Variants in PUDP observed in about 807,000 individuals in gnomAD.
PUDP encodes pseudouridine-5'-phosphatase.
In PUDP, 8 loss-of-function variants were observed where a neutral mutation model predicts 9.4. The observed-to-expected ratio is 0.85, with a 90% CI of 0.50 to 1.53. The LOEUF (loss-of-function observed/expected upper bound fraction) is 1.53, where lower values mean the gene tolerates loss of function less well. PUDP is among the 40% of genes most tolerant of loss of function. The pLI, the probability that PUDP is intolerant of heterozygous loss-of-function variation, is 0.00. For missense variants in PUDP, 188 were observed against 189.7 expected (o/e 0.99, Z 0.05); for synonymous variants, 99 against 80.7 (o/e 1.23, Z -1.22).
intron 1 of PUDP, among the ~76,000 whole-genome samples, chrX:6,981,851 T>C (rs1929037086): frequency 9.0e-6 from 1 of 110,851 alleles, no homozygotes; most frequent in South Asian, 3.8e-4. Context: ...ATATTCATTT[T>C]ACAAGAGTTT....
intron 3 of PUDP, among the ~76,000 whole-genome samples, chrX:6,903,386 G>GCACTAT (rs1927719195): frequency 9.0e-6 from 1 of 111,060 alleles, no homozygotes; most frequent in Non-Finnish European, 1.9e-5. Flanking sequence ...AGTCACAAAA[G>GCACTAT]GTCTATTTAT....
At chrX:7,091,720 A>C (rs1931428290) in intron 2 of PUDP, among the ~76,000 whole-genome samples, 1 of 111,879 alleles carries the variant, frequency 8.9e-6, no homozygotes, top group South Asian at 3.7e-4. Context: ...GACCATCCTC[A>C]GAAAAATATT....
chrX:6,996,769 G>A (rs1007484570), intron 1 of PUDP, among the ~76,000 whole-genome samples: 62 of 106,647 alleles, frequency 5.8e-4, no homozygotes, highest in African/African-American at 2.0e-3. Context: ...CTGGGTTCAA[G>A]TGATTCTCCT....
At chrX:6,707,949 C>T (rs1036233185) in intron 1 of PUDP, among the ~76,000 whole-genome samples, 5 of 112,095 alleles carry the variant, frequency 4.5e-5, no homozygotes, top group East Asian at 5.6e-4. Context: ...TTATTTTCCA[C>T]GGTTGAGCCC....
At chrX:6,934,330 A>T (rs1928258291) in intron 3 of PUDP, among the ~76,000 whole-genome samples, 1 of 104,527 alleles carries the variant, frequency 9.6e-6, no homozygotes, top group Non-Finnish European at 2.0e-5. Flanking sequence ...CCAATATTCA[A>T]CATTCTTAAA....
intron 3 of PUDP, among the ~76,000 whole-genome samples, chrX:6,738,171 C>A (rs1924895682): frequency 9.0e-6 from 1 of 111,328 alleles, no homozygotes; most frequent in African/African-American, 3.3e-5. Flanking sequence ...TCCCCCAGTC[C>A]ACATCATCTA....
chrX:7,067,958 T>C (rs888489644), intron 3 of PUDP, among the ~76,000 whole-genome samples: 3 of 111,565 alleles, frequency 2.7e-5, no homozygotes, highest in Non-Finnish European at 5.6e-5. Context: ...CCCACTGCCA[T>C]CCATGTAAGA....
chrX:6,863,676 T>C (rs936526805), intron 3 of PUDP, among the ~76,000 whole-genome samples: 3 of 112,217 alleles, frequency 2.7e-5, no homozygotes, highest in African/African-American at 9.7e-5. Context: ...AGGTGAACTA[T>C]AAGACCCAAA....
intron 2 of PUDP, among the ~76,000 whole-genome samples, chrX:7,092,567 C>T (rs1931453401): frequency 8.9e-6 from 1 of 112,018 alleles, no homozygotes; most frequent in Non-Finnish European, 1.9e-5. Context: ...CTTGCTCTTA[C>T]AGTCTACTCT....
Position 7,004,522 on chromosome X carries a change from A to C in PUDP, c.205-26179T>G, listed in dbSNP as rs186554660. ...CCCAAACACTTTGCTCATTTCCCGAAATTTTCCATACAAACATATACAATG... is the reference window on the plus strand; with the variant it reads ...CCCAAACACTTTGCTCATTTCCCGACATTTTCCATACAAACATATACAATG... On this transcript the variant is annotated intron_variant and NMD_transcript_variant, in intron 1 of 3. Coordinates refer to the PUDP transcript ENST00000655425. Among the ~76,000 whole-genome samples the C allele has an allele frequency of 1.6e-3, 175 of 111,927 alleles. 1 individual carries two copies. Among genetic ancestry groups the C allele is most frequent in the Admixed American group, 5.8e-3 (61 of 10,572 alleles).
chrX:7,053,886 CTCT>C (rs1206447293), intron 3 of PUDP, among the ~76,000 whole-genome samples: 3 of 111,763 alleles, frequency 2.7e-5, no homozygotes, highest in Non-Finnish European at 5.6e-5. Context: ...CTGACACCAG[CTCT>C]TGGAGACCTT....
intron 3 of PUDP, among the ~76,000 whole-genome samples, chrX:6,743,033 G>A (rs189904437): frequency 2.3e-4 from 26 of 112,207 alleles, no homozygotes; most frequent in Non-Finnish European, 4.3e-4. Context: ...TGTTGACCTT[G>A]CCCTATTCTC....
At position 7,055,716 on chromosome X, in the gene PUDP, T is replaced by G. The variant is rs181838218; in HGVS notation, c.511-5244A>C. On this transcript the variant is annotated intron_variant, in intron 3 of 3. Transcript: ENST00000381077. ...GTCTGTCTACTGAAACTTAAGGATTTAAGAATAAATCCTTAAAAGCTATCT... is the reference window on the plus strand; with the variant it reads ...GTCTGTCTACTGAAACTTAAGGATTGAAGAATAAATCCTTAAAAGCTATCT... Among the ~76,000 whole-genome samples the G allele has an allele frequency of 1.3e-4, 15 of 112,255 alleles. No homozygotes were observed. The East Asian group carries it at 4.2e-3, about 31-fold the overall frequency.
intron 2 of PUDP, among the ~76,000 whole-genome samples, chrX:7,092,654 T>A (rs1285107164): frequency 9.0e-6 from 1 of 111,593 alleles, no homozygotes; most frequent in African/African-American, 3.3e-5. Flanking sequence ...AGATGAAAGG[T>A]CCCACCGTAT....
At chrX:6,728,527 T>C (rs1050591620) in intron 3 of PUDP, among the ~76,000 whole-genome samples, 4 of 112,134 alleles carry the variant, frequency 3.6e-5, no homozygotes, top group Admixed American at 1.9e-4. Flanking sequence ...AAGCCCTTTA[T>C]GATGTTAATA....
intron 1 of PUDP, among the ~76,000 whole-genome samples, chrX:6,718,134 C>T (rs527396552): frequency 5.4e-5 from 6 of 111,154 alleles, no homozygotes; most frequent in Non-Finnish European, 7.5e-5. Flanking sequence ...TATTTTCTCC[C>T]GCCTTGTAGG....
chrX:7,054,045 A>G (rs1930171508), intron 3 of PUDP, among the ~76,000 whole-genome samples: 1 of 112,241 alleles, frequency 8.9e-6, no homozygotes, highest in Non-Finnish European at 1.9e-5. Context: ...TACATAAAGT[A>G]AGGGGGACTC....
chrX:6,932,329 G>A (rs888223365), intron 3 of PUDP, among the ~76,000 whole-genome samples: 6 of 111,967 alleles, frequency 5.4e-5, no homozygotes, highest in Non-Finnish European at 7.5e-5. Context: ...ATGATTAAAC[G>A]TGTGAGGCGC....
intron 3 of PUDP, among the ~76,000 whole-genome samples, chrX:6,931,331 T>G (rs1037368202): frequency 8.9e-6 from 1 of 111,732 alleles, no homozygotes; most frequent in African/African-American, 3.3e-5. Flanking sequence ...TGTCATCAAT[T>G]TCATTAAATA....
Sources: gnomAD v4.1 joint callset for allele counts (sites outside exome capture counted in the v4.1 genomes callset) on GRCh38, gnomAD v4.1.1 for gene constraint, MANE v1.5 for transcripts, NCBI Gene and HGNC (gene_info 2026-07-23, HGNC 2026-07-21) for gene names.